The following HDAC4 variants were observed in gnomAD, a reference collection of about 807,000 sequenced individuals.
HDAC4 encodes the protein histone deacetylase 4, also known as histone deacetylase A.
In HDAC4, 16 loss-of-function variants were observed where a neutral mutation model predicts 135.1. The observed-to-expected ratio is 0.12, with a 90% CI of 0.08 to 0.18. The LOEUF (loss-of-function observed/expected upper bound fraction) is 0.18. Ranked by LOEUF, HDAC4 falls within the 10% of genes least tolerant of loss-of-function variation. The pLI is 1.00. For synonymous variants in HDAC4, 685 were observed against 653.4 expected, an observed-to-expected ratio of 1.05 and a Z score of -0.74; for missense variants, 1,143 against 1,511.8, an observed-to-expected ratio of 0.76 and a Z score of 4.05.
At chr2:239,204,741 C>T (rs1412531844) in intron 3 of HDAC4, among the ~76,000 whole-genome samples, 6 of 152,288 alleles carry the variant, frequency 3.9e-5, no homozygotes, top group East Asian at 3.9e-4. Context: ...GGTCAGGTTT[C>T]AACCCTGCAT....
At chr2:239,179,907 C>A (rs937165063) in intron 4 of HDAC4, among the ~76,000 whole-genome samples, 1 of 152,370 alleles carries the variant, frequency 6.6e-6, no homozygotes, top group South Asian at 2.1e-4. Flanking sequence ...TGCACATCAA[C>A]GTGCTTGTGC....
At chr2:239,344,961 C>T (rs1692519822) in intron 2 of HDAC4, among the ~76,000 whole-genome samples, 1 of 152,144 alleles carries the variant, frequency 6.6e-6, no homozygotes, top group Admixed American at 6.5e-5. Context: ...CATGAACAAG[C>T]TCTTCTCCAG....
intron 13 of HDAC4, among the ~76,000 whole-genome samples, chr2:239,112,447 G>A (rs2152802097): frequency 6.6e-6 from 1 of 152,318 alleles, no homozygotes; most frequent in South Asian, 2.1e-4. Flanking sequence ...GCTAAAAGCA[G>A]TAACAGCCCA....
chr2:239,317,063 C>T (rs1051148261), intron 2 of HDAC4, among the ~76,000 whole-genome samples: 6 of 152,114 alleles, frequency 3.9e-5, no homozygotes, highest in African/African-American at 1.2e-4. Flanking sequence ...GCTTTTAGAC[C>T]CGGTATCTGG....
intron 2 of HDAC4, among the ~76,000 whole-genome samples, chr2:239,261,380 C>T (rs1274576840): frequency 6.6e-6 from 1 of 152,214 alleles, no homozygotes; most frequent in Non-Finnish European, 1.5e-5. Flanking sequence ...CTGCCGTGTG[C>T]TGAGATGGAG....
intron 1 of HDAC4, among the ~76,000 whole-genome samples, chr2:239,393,993 C>G (rs1696398582): frequency 6.8e-6 from 1 of 148,134 alleles, no homozygotes; most frequent in Non-Finnish European, 1.5e-5. Flanking sequence ...AACCCCACCA[C>G]CAGGGAGGCC....
chr2:239,231,437 G>A (rs1397599199), intron 3 of HDAC4, among the ~76,000 whole-genome samples: 2 of 143,454 alleles, frequency 1.4e-5, no homozygotes, highest in African/African-American at 5.0e-5. Flanking sequence ...CGGGATCTGA[G>A]GCTCTGGCTT....
At position 239,190,042 on chromosome 2, in the gene HDAC4, G is replaced by C. The variant is rs963479880; in HGVS notation, c.130C>G (p.Pro44Ala). The C allele has an allele frequency of 6.2e-7, 1 of 1,603,322 alleles. No homozygotes were observed. Among genetic ancestry groups the C allele is most frequent in the Non-Finnish European group, 8.5e-7 (1 of 1,179,462 alleles). Residue 44 changes from proline (P) to alanine (A), a missense_variant, in exon 4 of 27, where the codon CCC becomes GCC. By Grantham distance (27) the Pro-to-Ala change is conservative. This residue lies in a region of HDAC4 where 247 missense variants were observed against 310.0 expected (regional missense o/e 0.80). Transcript: ENST00000543185. Reference protein sequence around the residue: ...VATALPLQVAPSAVPMDLRLD... With the variant: ...VATALPLQVAASAVPMDLRLD... Reference sequence around the variant, plus strand: ...CGCAGGTCCATGGGCACTGCCGAGGGGGCCACTTGCAGAGGCAGCGCCGTG... The same window carrying C: ...CGCAGGTCCATGGGCACTGCCGAGGCGGCCACTTGCAGAGGCAGCGCCGTG...
intron 17 of HDAC4, chr2:239,094,515 G>T: frequency 4.8e-6 from 5 of 1,039,550 alleles, no homozygotes; most frequent in Admixed American, 5.0e-5. Flanking sequence ...CCCAGGCCAG[G>T]TCCATATCAT....
rs1553636795 is a variant in HDAC4 at position 239,157,309 on chromosome 2, T to TCGTCATCC, written c.612-544_612-537dup. ...GGGGCTGTCTCTCAGAAGGCACCCA[T>TCGTCATCC]CGTCATCCGTGCCTTCACCAAACTC... On this transcript the variant is annotated intron_variant, in intron 6 of 26. Transcript: ENST00000543185. 2.5e-3 allele frequency among the ~76,000 whole-genome samples: 386 copies of TCGTCATCC among 152,332 alleles called. 14 individuals carry two copies. In the East Asian group the frequency reaches 0.062, roughly 24 times the overall value.
chr2:239,339,042 A>G (rs1692125612), intron 2 of HDAC4, among the ~76,000 whole-genome samples: 1 of 152,248 alleles, frequency 6.6e-6, no homozygotes, highest in South Asian at 2.1e-4. Flanking sequence ...ATAAAATCAG[A>G]AAATACAGAA....
intron 19 of HDAC4, among the ~76,000 whole-genome samples, chr2:239,085,105 G>A (rs139125525): frequency 5.2e-4 from 79 of 151,094 alleles, no homozygotes; most frequent in African/African-American, 1.3e-3. Flanking sequence ...ACGCTCCTCT[G>A]GTAGGGAACC....
At chr2:239,184,711 T>TG (rs796662059) in intron 4 of HDAC4, among the ~76,000 whole-genome samples, 4 of 98,040 alleles carry the variant, frequency 4.1e-5, no homozygotes, top group East Asian at 4.2e-4. Flanking sequence ...ATGTGTCCTA[T>TG]GGGGGGGTCC....
At chr2:239,261,825 G>A (rs1208218102) in intron 2 of HDAC4, among the ~76,000 whole-genome samples, 1 of 152,194 alleles carries the variant, frequency 6.6e-6, no homozygotes, top group Non-Finnish European at 1.5e-5. Context: ...CTCCTTAACA[G>A]TGGCAGGAGC....
chr2:239,340,624 A>G (rs1692239623), intron 2 of HDAC4, among the ~76,000 whole-genome samples: 1 of 152,180 alleles, frequency 6.6e-6, no homozygotes, highest in African/African-American at 2.4e-5. Flanking sequence ...GGAGACACAC[A>G]CCATCTCTCA....
intron 1 of HDAC4, among the ~76,000 whole-genome samples, chr2:239,383,999 G>A (rs561316636): frequency 6.6e-6 from 1 of 152,326 alleles, no homozygotes; most frequent in East Asian, 1.9e-4. Context: ...GCCTACTGAC[G>A]TGAGTAACGA....
At chr2:239,219,791 C>T (rs1173522647) in intron 3 of HDAC4, among the ~76,000 whole-genome samples, 1 of 152,078 alleles carries the variant, frequency 6.6e-6, no homozygotes, top group African/African-American at 2.4e-5. Context: ...CATATTTGAC[C>T]ATTTCCTAAG....
chr2:239,307,088 C>T lies in HDAC4; in HGVS notation c.22+45590G>A, dbSNP rs568494380. Among the ~76,000 whole-genome samples, 8 of 152,236 alleles carry T rather than the reference C, an allele frequency of 5.3e-5. No homozygotes were observed. Among genetic ancestry groups the T allele is most frequent in the South Asian group, 2.1e-4 (1 of 4,822 alleles). ...GGTGAGCCCAGAGGCCCGAGTCGTC[C>T]GGATGGCCCATCTCAGGCCACACCC... On this transcript the variant is annotated intron_variant, in intron 2 of 26. Transcript: ENST00000543185. The surrounding 1 kb of genome is among the most constrained non-coding windows in gnomAD (Gnocchi z 4.8).
At chr2:239,282,715 G>A (rs1382533142) in intron 2 of HDAC4, among the ~76,000 whole-genome samples, 1 of 139,798 alleles carries the variant, frequency 7.2e-6, no homozygotes, top group Non-Finnish European at 1.5e-5. Flanking sequence ...TGCAAACAAT[G>A]TACACACCAC....
Sources: allele counts gnomAD v4.1 joint callset (sites outside exome capture counted in the v4.1 genomes callset), GRCh38; gene constraint gnomAD v4.1.1; regional missense constraint gnomAD v4.1.1; non-coding constraint Gnocchi (gnomAD v3.1); transcripts MANE v1.5; gene names NCBI Gene and HGNC (gene_info 2026-07-23, HGNC 2026-07-21).